The following RABGAP1L variants were observed in gnomAD, a reference collection of about 807,000 sequenced individuals.
RABGAP1L encodes rab GTPase-activating protein 1-like.
Under a neutral mutation model 137.7 loss-of-function variants are expected in RABGAP1L, and 63 were observed. The observed-to-expected ratio is 0.46, with a 90% CI of 0.37 to 0.56. The LOEUF (loss-of-function observed/expected upper bound fraction) is 0.56. RABGAP1L is among the 20% of genes least tolerant of loss of function. The pLI, the probability that RABGAP1L is intolerant of heterozygous loss-of-function variation, is 0.00. For missense variants in RABGAP1L, 1,095 were observed against 1,244.0 expected (o/e 0.88, Z 1.80); for synonymous variants, 431 against 433.7 (o/e 0.99, Z 0.08).
chr1:174,807,436 C>T (rs1689418187), intron 18 of RABGAP1L, among the ~76,000 whole-genome samples: 1 of 152,162 alleles, frequency 6.6e-6, no homozygotes, highest in African/African-American at 2.4e-5. Context: ...AACATCCAAT[C>T]TTTGCCGAGC....
At chr1:174,410,283 T>C (rs1473313531) in intron 13 of RABGAP1L, among the ~76,000 whole-genome samples, 1 of 152,168 alleles carries the variant, frequency 6.6e-6, no homozygotes, top group African/African-American at 2.4e-5. Flanking sequence ...ATAAATTATT[T>C]CCCAAGGCTG....
Position 174,448,422 on chromosome 1 carries a change from A to T in RABGAP1L, c.1710+54277A>T. The T allele has an allele frequency of 6.2e-7, 1 of 1,612,368 alleles. No individual in the cohort carries two copies. Among genetic ancestry groups the T allele is most frequent in the Non-Finnish European group, 8.5e-7 (1 of 1,178,726 alleles). On this transcript the variant is annotated intron_variant, in intron 13 of 25. Transcript: ENST00000681986. This position sits in a 1 kb window ranked among gnomAD's most constrained non-coding sequence, Gnocchi z 4.2. The stretch of plus-strand genomic sequence containing the variant: ...GTTCCTACTCTGTCACTTCTCCACT[A>T]CTCCACAGGTGTCCACGAGTCATTG...
intron 14 of RABGAP1L, among the ~76,000 whole-genome samples, chr1:174,664,616 A>G (rs1345436883): frequency 6.6e-6 from 1 of 152,092 alleles, no homozygotes; most frequent in African/African-American, 2.4e-5. Context: ...ATATTTTTTA[A>G]TACCTTCCAG....
chr1:174,358,554 A>T (rs556026286), intron 11 of RABGAP1L, among the ~76,000 whole-genome samples: 12 of 152,290 alleles, frequency 7.9e-5, no homozygotes, highest in South Asian at 4.1e-4. Context: ...TGACACTTTC[A>T]CATCTTTCTG....
At chr1:174,656,261 A>G (rs905806260) in intron 14 of RABGAP1L, among the ~76,000 whole-genome samples, 2 of 152,208 alleles carry the variant, frequency 1.3e-5, no homozygotes, top group African/African-American at 4.8e-5. Context: ...GTTCGAGACC[A>G]GCCTGTTCCA....
rs188463115 is a variant in RABGAP1L at position 174,173,380 on chromosome 1, T to A, written c.-34+13723T>A. 2.1e-3 allele frequency among the ~76,000 whole-genome samples: 323 copies of A among 152,302 alleles called. 5 individuals are homozygous for A. Among genetic ancestry groups the A allele is most frequent in the African/African-American group, 7.4e-3 (309 of 41,580 alleles). ...CCCAACCTCAGGTAATCTGCCCACC[T>A]CAGCCTCCCAAAGTGCTGGGATTAC... is the stretch of plus-strand genomic sequence containing the variant. On this transcript the variant is annotated intron_variant, in intron 1 of 25. Transcript: ENST00000681986.
At chr1:174,752,496 C>T in intron 18 of RABGAP1L, 142 bp downstream of exon 18, 1 of 544,106 alleles carries the variant, frequency 1.8e-6, no homozygotes, top group East Asian at 3.3e-5. Flanking sequence ...AAACTCTGAT[C>T]CTCTTCCCTC....
intron 19 of RABGAP1L, among the ~76,000 whole-genome samples, chr1:174,885,366 TGTTA>T (rs772320552): frequency 6.6e-6 from 1 of 152,172 alleles, no homozygotes; most frequent in Non-Finnish European, 1.5e-5. Context: ...GGCATGTGTA[TGTTA>T]GTTATTATTC....
chr1:174,323,847 G>T (rs1432301740), intron 11 of RABGAP1L, among the ~76,000 whole-genome samples: 5 of 152,010 alleles, frequency 3.3e-5, no homozygotes, highest in Non-Finnish European at 7.4e-5. Flanking sequence ...CATTTTTTAT[G>T]ATAAATTACT....
intron 18 of RABGAP1L, among the ~76,000 whole-genome samples, chr1:174,769,356 T>C (rs1440712468): frequency 4.6e-5 from 7 of 152,048 alleles, no homozygotes; most frequent in African/African-American, 1.2e-4. Context: ...GGTGGAGCCA[T>C]TGGTGTCATG....
At chr1:174,980,017 C>T (rs1475075069) in intron 23 of RABGAP1L, among the ~76,000 whole-genome samples, 4 of 152,044 alleles carry the variant, frequency 2.6e-5, no homozygotes, top group African/African-American at 9.7e-5. Flanking sequence ...AATTTGTGTT[C>T]TTGTGGAAAA....
chr1:174,295,600 G>A lies in RABGAP1L; in HGVS notation c.1324-9386G>A, dbSNP rs567995900. ...GGGGTTTCACTATGTTGGCCAGGCT[G>A]GTCTCAAACTCCTGACATTGTGATG... On this transcript the variant is annotated intron_variant, in intron 10 of 25. Coordinates refer to ENST00000681986, the MANE Select transcript of RABGAP1L (RefSeq NM_001366446.1). Among the ~76,000 whole-genome samples, 21 of 151,624 alleles carry A rather than the reference G, an allele frequency of 1.4e-4. No individual in the cohort carries two copies. In the South Asian group the frequency reaches 4.4e-3, roughly 32 times the overall value.
chr1:174,485,948 G>A (rs1298272870), intron 13 of RABGAP1L, among the ~76,000 whole-genome samples: 7 of 152,112 alleles, frequency 4.6e-5, no homozygotes, highest in Non-Finnish European at 1.0e-4. Context: ...GTAGAAATCA[G>A]CAGCGAAGCC....
At chr1:174,532,953 AG>A (rs1486082339) in intron 13 of RABGAP1L, among the ~76,000 whole-genome samples, 1 of 152,138 alleles carries the variant, frequency 6.6e-6, no homozygotes, top group African/African-American at 2.4e-5. Context: ...TAAACACTAT[AG>A]CCGGGCACAG....
intron 24 of RABGAP1L, among the ~76,000 whole-genome samples, chr1:174,985,230 A>C (rs1671483283): frequency 6.6e-6 from 1 of 152,088 alleles, no homozygotes; most frequent in African/African-American, 2.4e-5. Context: ...CTGTCTCTAC[A>C]AAAAATACAA....
chr1:174,300,866 A>AAATGAATG (rs948232148), intron 10 of RABGAP1L, among the ~76,000 whole-genome samples: 6 of 152,178 alleles, frequency 3.9e-5, no homozygotes, highest in Non-Finnish European at 8.8e-5. Context: ...ACTCTATCTC[A>AAATGAATG]AATGAATGAA....
intron 12 of RABGAP1L, among the ~76,000 whole-genome samples, chr1:174,375,094 G>A (rs1270273238): frequency 1.3e-5 from 2 of 151,876 alleles, no homozygotes; most frequent in Non-Finnish European, 2.9e-5. Flanking sequence ...ACAGACATTG[G>A]ATTTTTGTCA....
intron 13 of RABGAP1L, among the ~76,000 whole-genome samples, chr1:174,587,662 T>C (rs1181352332): frequency 6.6e-6 from 1 of 151,992 alleles, no homozygotes; most frequent in South Asian, 2.1e-4. Context: ...CTTCCCAACA[T>C]AAGCTCCATC....
intron 13 of RABGAP1L, among the ~76,000 whole-genome samples, chr1:174,614,182 G>T (rs1419497703): frequency 6.6e-6 from 1 of 152,124 alleles, no homozygotes; most frequent in Non-Finnish European, 1.5e-5. Flanking sequence ...GCATGATTTT[G>T]CAGTGGCTGG....
Sources: allele counts gnomAD v4.1 joint callset (sites outside exome capture counted in the v4.1 genomes callset), GRCh38; gene constraint gnomAD v4.1.1; non-coding constraint Gnocchi (gnomAD v3.1); transcripts MANE v1.5; gene names NCBI Gene and HGNC (gene_info 2026-07-23, HGNC 2026-07-21).